FSTL5: variants seen among roughly 807,000 people sequenced by gnomAD.
FSTL5 encodes the protein follistatin-related protein 5.
Under a neutral mutation model 89.1 loss-of-function variants are expected in FSTL5, and 62 were observed. The observed-to-expected ratio is 0.70, with a 90% confidence interval of 0.57 to 0.86. FSTL5 has a LOEUF of 0.86. Among genes scored for constraint, FSTL5 ranks in the 40% least tolerant of loss-of-function variants. The probability of loss-of-function intolerance (pLI) is 0.00; values close to 1 mark genes in which losing one functional copy is unlikely to be tolerated. For synonymous variants in FSTL5, 383 were observed against 346.2 expected (o/e 1.11, Z -1.18); for missense variants, 1,057 against 1,001.6 (o/e 1.06, Z -0.75).
chr4:161,913,532 T>G (rs990457816), intron 4 of FSTL5, among the ~76,000 whole-genome samples: 1 of 152,160 alleles, frequency 6.6e-6, no homozygotes, highest in Non-Finnish European at 1.5e-5. Context: ...AACCTCCACC[T>G]AGATTTCAGA....
chr4:161,444,808 C>G (rs1334303657), intron 15 of FSTL5, among the ~76,000 whole-genome samples: 1 of 151,798 alleles, frequency 6.6e-6, no homozygotes, highest in African/African-American at 2.4e-5. Flanking sequence ...GAGGAAATAA[C>G]TTGAATTCTA....
Position 162,097,699 on chromosome 4 carries a change from C to A in FSTL5, c.126+13572G>T, listed in dbSNP as rs552312834. On this transcript the variant is annotated intron_variant, in intron 2 of 15. Transcript: ENST00000306100. ...TCACAAAAGAAAATTTATAAAAAGT[C>A]AGAATGCAAAAGAAAAAAGCTCAAA... is the stretch of plus-strand genomic sequence containing the variant. Among the ~76,000 whole-genome samples, 4 of 151,760 alleles carry A rather than the reference C, an allele frequency of 2.6e-5. No individual in the cohort carries two copies. In the South Asian group the frequency reaches 6.2e-4, roughly 24 times the overall value.
At chr4:161,768,441 A>T (rs1343502977) in intron 5 of FSTL5, among the ~76,000 whole-genome samples, 2 of 152,162 alleles carry the variant, frequency 1.3e-5, no homozygotes, top group East Asian at 3.9e-4. Context: ...TTGGAGCCCC[A>T]GGAAAAGTAC....
At chr4:161,620,655 TCAAAAACAAAAA>T (rs1045162086) in intron 7 of FSTL5, among the ~76,000 whole-genome samples, 13 of 151,754 alleles carry the variant, frequency 8.6e-5, no homozygotes, top group African/African-American at 2.4e-4. Flanking sequence ...AAACTCCATC[TCAAAAACAAAAA>T]CAAAAACAAA....
intron 4 of FSTL5, among the ~76,000 whole-genome samples, chr4:161,788,521 C>G (rs1475290567): frequency 1.3e-5 from 2 of 152,154 alleles, no homozygotes; most frequent in African/African-American, 4.8e-5. Flanking sequence ...ATTTTGTCTT[C>G]TGTGACAAAG....
At chr4:161,507,089 TA>T (rs531830790) in intron 11 of FSTL5, among the ~76,000 whole-genome samples, 319 of 152,188 alleles carry the variant, frequency 2.1e-3, no homozygotes, top group Admixed American at 4.4e-3. Context: ...CATGTGCCAA[TA>T]AATTTTAAAA....
At chr4:161,970,673 A>C (rs1735458560) in intron 3 of FSTL5, among the ~76,000 whole-genome samples, 1 of 152,124 alleles carries the variant, frequency 6.6e-6, no homozygotes. Flanking sequence ...CTAAGGTTAG[A>C]CTATTACACC....
intron 4 of FSTL5, among the ~76,000 whole-genome samples, chr4:161,866,388 T>C (rs1372214342): frequency 6.6e-6 from 1 of 151,886 alleles, no homozygotes; most frequent in Non-Finnish European, 1.5e-5. Flanking sequence ...TGCTGAGACA[T>C]TTCATAGGTC....
At chr4:161,407,466 G>A (rs1731426473) in intron 15 of FSTL5, among the ~76,000 whole-genome samples, 1 of 152,138 alleles carries the variant, frequency 6.6e-6, no homozygotes, top group South Asian at 2.1e-4. Flanking sequence ...GAACACTATG[G>A]CTAGTTCCCC....
Position 161,657,864 on chromosome 4 carries a change from A to C in FSTL5, c.728-1370T>G, listed in dbSNP as rs1192484436. 3.3e-5 allele frequency among the ~76,000 whole-genome samples: 5 copies of C among 152,160 alleles called. No homozygotes were observed. The East Asian group carries it at 7.7e-4, about 24-fold the overall frequency. ...ACACCTCATTATCTGATAAAATGAAACAGAAATATACTCACACTCCTATTC... is the reference window on the plus strand; with the variant it reads ...ACACCTCATTATCTGATAAAATGAACCAGAAATATACTCACACTCCTATTC... On this transcript the variant is annotated intron_variant, in intron 6 of 15. Coordinates refer to ENST00000306100, the MANE Select transcript of FSTL5 (RefSeq NM_020116.5).
At chr4:161,986,749 G>T (rs1018138905) in intron 3 of FSTL5, among the ~76,000 whole-genome samples, 2 of 152,110 alleles carry the variant, frequency 1.3e-5, no homozygotes, top group African/African-American at 4.8e-5. Flanking sequence ...GGCAGGAGGT[G>T]TTAGAGTCAG....
chr4:161,930,098 T>C (rs1009786748), intron 3 of FSTL5, among the ~76,000 whole-genome samples: 5 of 151,728 alleles, frequency 3.3e-5, no homozygotes, highest in Admixed American at 1.3e-4. Flanking sequence ...TCATAATCAG[T>C]GATGTAGTGA....
chr4:162,085,465 C>A (rs534244896), intron 2 of FSTL5, among the ~76,000 whole-genome samples: 6 of 151,826 alleles, frequency 4.0e-5, no homozygotes, highest in African/African-American at 1.4e-4. Context: ...TTCAAAAAAT[C>A]AAATATGTAA....
intron 14 of FSTL5, 151 bp downstream of exon 14, chr4:161,459,061 C>CT (rs74436859): frequency 0.78 from 402,273 of 512,536 alleles, 158,763 homozygotes; most frequent in East Asian, 0.93. Context: ...TGAATGCCAA[C>CT]TTTTTTGCCT....
Position 161,915,345 on chromosome 4 carries a change from TC to T in FSTL5, c.409+5058del, listed in dbSNP as rs563516764. ...TCTCTTCTCTTCCTCTCCATTTGTCTCCTTTCTCCCACCTTCCCACTCTCTG... is the reference window on the plus strand; with the variant it reads ...TCTCTTCTCTTCCTCTCCATTTGTCTCTTTCTCCCACCTTCCCACTCTCTG... On this transcript the variant is annotated intron_variant, in intron 4 of 15. Transcript: ENST00000306100. Among the ~76,000 whole-genome samples the T allele has an allele frequency of 3.3e-5, 5 of 151,376 alleles. 1 individual carries two copies. The South Asian group carries it at 1.1e-3, about 32-fold the overall frequency.
chr4:161,552,310 C>T (rs1188734533), intron 8 of FSTL5, among the ~76,000 whole-genome samples: 1 of 151,826 alleles, frequency 6.6e-6, no homozygotes, highest in East Asian at 1.9e-4. Flanking sequence ...CAAAGTTTAT[C>T]TTGCCACAGG....
At chr4:161,948,033 T>C (rs1358113229) in intron 3 of FSTL5, among the ~76,000 whole-genome samples, 1 of 152,032 alleles carries the variant, frequency 6.6e-6, no homozygotes, top group Non-Finnish European at 1.5e-5. Context: ...TCCCAGAGCT[T>C]TGGGAGGCCA....
intron 4 of FSTL5, among the ~76,000 whole-genome samples, chr4:161,870,933 T>C (rs1053996156): frequency 1.9e-4 from 29 of 152,082 alleles, no homozygotes; most frequent in Non-Finnish European, 4.4e-5. Context: ...GCAAAAAGAT[T>C]CCTTAATATA....
intron 13 of FSTL5, among the ~76,000 whole-genome samples, chr4:161,463,002 G>A (rs1342443905): frequency 6.6e-6 from 1 of 152,062 alleles, no homozygotes. Flanking sequence ...AGGAAAAGAG[G>A]TAAGGCTTTC....
Sources: allele counts gnomAD v4.1 joint callset (sites outside exome capture counted in the v4.1 genomes callset), GRCh38; gene constraint gnomAD v4.1.1; transcripts MANE v1.5; gene names NCBI Gene and HGNC (gene_info 2026-07-23, HGNC 2026-07-21).